XPO6: variants seen among roughly 807,000 people sequenced by gnomAD.
XPO6 encodes the protein exportin 6.
In XPO6, 3 loss-of-function variants were observed where a neutral mutation model predicts 130.0. The ratio of observed to expected loss-of-function variants is 0.02; its 90% confidence interval spans 0.01 to 0.06. XPO6 has a LOEUF of 0.06. Among genes scored for constraint, XPO6 ranks in the 10% least tolerant of loss-of-function variants. The probability of loss-of-function intolerance (pLI) is 1.00; values close to 1 mark genes in which losing one functional copy is unlikely to be tolerated. For missense variants in XPO6, 970 were observed against 1,393.0 expected (o/e 0.70, Z 4.83); for synonymous variants, 524 against 548.9 (o/e 0.95, Z 0.63).
At chr16:28,193,655 G>A (rs117576807) in intron 1 of XPO6, among the ~76,000 whole-genome samples, 2,626 of 152,178 alleles carry the variant, frequency 0.017, 35 homozygotes, top group Non-Finnish European at 0.029. Context: ...GGAGGGAGTC[G>A]GTGCACAGGT....
At chr16:28,209,317 A>G (rs1256753436) in intron 1 of XPO6, among the ~76,000 whole-genome samples, 1 of 152,160 alleles carries the variant, frequency 6.6e-6, no homozygotes, top group African/African-American at 2.4e-5. Flanking sequence ...TTAATTATGT[A>G]TATTTTACTA....
rs1291688206 is a variant in XPO6 at position 28,106,736 on chromosome 16, G to A, written c.2498-239C>T. Reference sequence around the variant, plus strand: ...CTGGTGGCTCACTACAGGAAATGAAGGTCATCTCGAACCCTCCCTCATTGC... The same window carrying A: ...CTGGTGGCTCACTACAGGAAATGAAAGTCATCTCGAACCCTCCCTCATTGC... On this transcript the variant is annotated intron_variant, in intron 18 of 23. Transcript: ENST00000304658. This position sits in a 1 kb window ranked among gnomAD's most constrained non-coding sequence, Gnocchi z 4.2. Among the ~76,000 whole-genome samples, 2 of 152,164 alleles carry A rather than the reference G, an allele frequency of 1.3e-5. No individual in the cohort carries two copies. The highest frequency in any genetic ancestry group is 2.1e-4 in the South Asian group (1 of 4,830).
chr16:28,119,041 G>A (rs752776803), intron 14 of XPO6, among the ~76,000 whole-genome samples: 28 of 152,252 alleles, frequency 1.8e-4, no homozygotes, highest in Middle Eastern at 3.4e-3. Context: ...GCTGAAACAG[G>A]GTCTCGCTCT....
intron 2 of XPO6, 106 bp downstream of exon 2, chr16:28,180,835 G>T: frequency 2.4e-6 from 2 of 837,944 alleles, no homozygotes; most frequent in Non-Finnish European, 3.5e-6. Context: ...AAGAATTCAA[G>T]TGGAAAGCAC....
intron 12 of XPO6, among the ~76,000 whole-genome samples, chr16:28,131,231 C>A (rs2042662670): frequency 6.6e-6 from 1 of 152,172 alleles, no homozygotes; most frequent in Admixed American, 6.5e-5. Flanking sequence ...CCTCCTGGGG[C>A]CCACTAGATT....
At chr16:28,185,384 T>TAA (rs1344318827) in intron 1 of XPO6, among the ~76,000 whole-genome samples, 50 of 151,476 alleles carry the variant, frequency 3.3e-4, no homozygotes, top group African/African-American at 1.2e-3. Flanking sequence ...TAATAATAAT[T>TAA]TAAATAAGTA....
intron 7 of XPO6, chr16:28,153,883 A>C: frequency 2.0e-6 from 2 of 985,320 alleles, no homozygotes. Context: ...CCCGGAAATA[A>C]AATGTCCCAT....
chr16:28,199,370 G>C (rs1322641957), intron 1 of XPO6, among the ~76,000 whole-genome samples: 3 of 152,024 alleles, frequency 2.0e-5, no homozygotes, highest in African/African-American at 7.2e-5. Context: ...CACCTCCCGG[G>C]TTCAAGCAAT....
At chr16:28,145,857 T>G (rs896688358) in intron 9 of XPO6, among the ~76,000 whole-genome samples, 1 of 152,128 alleles carries the variant, frequency 6.6e-6, no homozygotes, top group African/African-American at 2.4e-5. Context: ...ATTAAGAACA[T>G]TAACACAAAT....
chr16:28,176,806 G>A (rs1488905669), intron 3 of XPO6, among the ~76,000 whole-genome samples: 1 of 152,062 alleles, frequency 6.6e-6, no homozygotes, highest in South Asian at 2.1e-4. Context: ...ACTGCGCCCG[G>A]CCTACAGTTA....
At chr16:28,130,706 A>C (rs899782171) in intron 12 of XPO6, among the ~76,000 whole-genome samples, 1 of 147,360 alleles carries the variant, frequency 6.8e-6, no homozygotes, top group Non-Finnish European at 1.5e-5. Context: ...AATTGCCAGT[A>C]AACAGGCTTT....
intron 1 of XPO6, among the ~76,000 whole-genome samples, chr16:28,210,180 G>T (rs949117602): frequency 6.6e-6 from 1 of 152,118 alleles, no homozygotes; most frequent in South Asian, 2.1e-4. Context: ...TATACTGTAC[G>T]GTGCTGCTCA....
Position 28,135,225 on chromosome 16 carries a change from C to T in XPO6, c.1434G>A (p.Leu478=), listed in dbSNP as rs1434967303. Residue 478 remains leucine, a synonymous_variant, in exon 10 of 24, where the codon CTG becomes CTA. Coordinates refer to ENST00000304658, the MANE Select transcript of XPO6 (RefSeq NM_015171.4). ...AQLEELDDET[L]DDDQQTEWQR... is the part of the protein sequence containing the mutation. ...AGGGCATGCCGCTTACATCGTCATC[C>T]AGAGTCTCATCATCCAACTCCTCCA... 3 of 1,613,582 alleles carry T rather than the reference C, an allele frequency of 1.9e-6. No homozygotes were observed. In the African/African-American group the frequency reaches 4.0e-5, roughly 22 times the overall value.
intron 1 of XPO6, among the ~76,000 whole-genome samples, chr16:28,206,297 T>G (rs1483270635): frequency 6.6e-6 from 1 of 152,060 alleles, no homozygotes; most frequent in African/African-American, 2.4e-5. Flanking sequence ...TCCTAGCACT[T>G]TGGGAGGCTG....
chr16:28,197,914 TAAAA>T (rs56896819), intron 1 of XPO6, among the ~76,000 whole-genome samples: 1 of 45,732 alleles, frequency 2.2e-5, no homozygotes, highest in Non-Finnish European at 3.5e-5. Context: ...GAGAGACTCT[TAAAA>T]AAAAAAAAAA....
chr16:28,201,122 C>A (rs976638321), intron 1 of XPO6, among the ~76,000 whole-genome samples: 1 of 152,132 alleles, frequency 6.6e-6, no homozygotes, highest in Admixed American at 6.6e-5. Flanking sequence ...AAGCACACCA[C>A]CCCCCACAGC....
chr16:28,195,822 C>T (rs1237081641), intron 1 of XPO6, among the ~76,000 whole-genome samples: 1 of 152,124 alleles, frequency 6.6e-6, no homozygotes, highest in African/African-American at 2.4e-5. Flanking sequence ...TCTGCTTGTC[C>T]TTGTCATCCC....
intron 1 of XPO6, 136 bp downstream of exon 1, chr16:28,211,230 C>T: frequency 1.2e-6 from 1 of 867,524 alleles, no homozygotes; most frequent in Non-Finnish European, 1.6e-6. Flanking sequence ...ACTCTGCACG[C>T]ATGTGTCACC....
chr16:28,156,814 C>A (rs1002513049), intron 6 of XPO6, among the ~76,000 whole-genome samples: 2 of 152,140 alleles, frequency 1.3e-5, no homozygotes, highest in Non-Finnish European at 2.9e-5. Context: ...ATTTGTACAA[C>A]AGCAGTTTCC....
Sources: allele counts gnomAD v4.1 joint callset (sites outside exome capture counted in the v4.1 genomes callset), GRCh38; gene constraint gnomAD v4.1.1; non-coding constraint Gnocchi (gnomAD v3.1); transcripts MANE v1.5; gene names NCBI Gene and HGNC (gene_info 2026-07-23, HGNC 2026-07-21).